The following TOPBP1 variants were observed in gnomAD, a reference collection of about 807,000 sequenced individuals.
The protein encoded by TOPBP1 is DNA topoisomerase 2-binding protein 1.
TOPBP1 carries 28 observed loss-of-function variants against 167.7 expected under a neutral mutation model. The observed-to-expected ratio is 0.17, with a 90% CI of 0.12 to 0.23. The LOEUF (loss-of-function observed/expected upper bound fraction) is 0.23. Ranked by LOEUF, TOPBP1 falls within the 10% of genes least tolerant of loss-of-function variation. The pLI is 1.00. For synonymous variants in TOPBP1, 598 were observed against 611.4 expected (o/e 0.98, Z 0.32); for missense variants, 1,554 against 1,809.6 (o/e 0.86, Z 2.56).
At chr3:133,626,423 A>G (rs1935268763) in intron 16 of TOPBP1, among the ~76,000 whole-genome samples, 1 of 152,196 alleles carries the variant, frequency 6.6e-6, no homozygotes, top group South Asian at 2.1e-4. Context: ...TCATACATAT[A>G]ATTATGTCAT....
At position 133,620,319 on chromosome 3, in the gene TOPBP1, C is replaced by T. The variant is rs1321702452; in HGVS notation, c.3207G>A (p.Glu1069=). ...TCTCCTGTAACTGCTTCTGAAAGTTCTCTCTCATCTCTAAGGTCTGTGTCA... is the reference window on the plus strand; with the variant it reads ...TCTCCTGTAACTGCTTCTGAAAGTTTTCTCTCATCTCTAAGGTCTGTGTCA... ...GVLTQTLEMR[E]NFQKQLQEIM... is the part of the protein sequence containing the mutation. Residue 1069 remains glutamate, a synonymous_variant, in exon 20 of 28, where the codon GAG becomes GAA. Coordinates refer to ENST00000260810, the MANE Select transcript of TOPBP1 (RefSeq NM_007027.4). 3.1e-5 allele frequency: 50 copies of T among 1,613,788 alleles called. No individual in the cohort carries two copies. The highest frequency in any genetic ancestry group is 4.2e-5 in the Non-Finnish European group (50 of 1,179,868).
intron 16 of TOPBP1, among the ~76,000 whole-genome samples, chr3:133,627,059 T>C (rs1404076869): frequency 6.6e-6 from 1 of 152,230 alleles, no homozygotes; most frequent in East Asian, 1.9e-4. Context: ...ACTCTATGCA[T>C]ATATAAATAT....
At chr3:133,619,116 A>AC (rs1934997507) in intron 20 of TOPBP1, among the ~76,000 whole-genome samples, 1 of 148,678 alleles carries the variant, frequency 6.7e-6, no homozygotes, top group Non-Finnish European at 1.5e-5. Flanking sequence ...AGAAGCAAAA[A>AC]AAAAAAAAAC....
intron 27 of TOPBP1, among the ~76,000 whole-genome samples, chr3:133,602,097 C>T (rs939412535): frequency 6.6e-6 from 1 of 152,118 alleles, no homozygotes; most frequent in Non-Finnish European, 1.5e-5. Context: ...ACAATAGAAC[C>T]TAGAGTTTCT....
intron 7 of TOPBP1, 90 bp from the exon 8 acceptor site, chr3:133,652,719 G>C (rs956109054): frequency 9.1e-7 from 1 of 1,093,394 alleles, no homozygotes; most frequent in Non-Finnish European, 1.3e-6. Context: ...ACAAATATAG[G>C]GCAATAAACA....
rs139109893 is a variant in TOPBP1 at position 133,621,218 on chromosome 3, G to T, written c.3179-871C>A. ...TGTAGAGACAAGGTCTCACTATGTT[G>T]CCCAGGCTGATCTGGAACCCCTAGC... On this transcript the variant is annotated intron_variant, in intron 19 of 27. Coordinates refer to ENST00000260810, the MANE Select transcript of TOPBP1 (RefSeq NM_007027.4). Among the ~76,000 whole-genome samples, 374 of 152,030 alleles carry T rather than the reference G, an allele frequency of 2.5e-3. 1 individual carries two copies. The highest frequency in any genetic ancestry group is 8.6e-3 in the African/African-American group (357 of 41,438).
In TOPBP1 at chr3:133,640,093, C is replaced by T. The variant is rs768252230; in HGVS notation, c.2099G>A (p.Arg700His). Residue 700 changes from arginine to histidine, a missense_variant, in exon 13 of 28, where the codon CGT becomes CAT. Physicochemically the swap from Arg to His is conservative, Grantham distance 29. Transcript: ENST00000260810. ...FASTHLILKERGGSKYEAAKK... is the reference protein window; with the variant it reads ...FASTHLILKEHGGSKYEAAKK... ...TGCAGCTTCATATTTAGAGCCACCA[C>T]GTTCTTTCAGTATAAGATGAGTACT... The T allele has an allele frequency of 2.6e-5, 42 of 1,613,808 alleles. No individual in the cohort carries two copies. The highest frequency in any genetic ancestry group is 3.4e-5 in the Non-Finnish European group (40 of 1,179,842).
At position 133,601,181 on chromosome 3, in the gene TOPBP1, A is replaced by G; in HGVS notation, c.*69T>C. The G allele has an allele frequency of 7.2e-7, 1 of 1,380,284 alleles. No individual in the cohort carries two copies. The highest frequency in any genetic ancestry group is 9.9e-7 in the Non-Finnish European group (1 of 1,010,764). 85.5% of individuals were successfully genotyped at this position (1,380,284 alleles called of 1,614,324 possible). A position where few individuals can be genotyped will look rare whatever the true frequency, so the allele number is the denominator to read the frequency against. On this transcript the variant is annotated 3_prime_UTR_variant, in exon 28 of 28. Transcript: ENST00000260810. Reference sequence around the variant, plus strand: ...CATCTTTAAATTACTACCCAAATCTATCACAGTCACATTCAGGCTTTCAAT... The same window carrying G: ...CATCTTTAAATTACTACCCAAATCTGTCACAGTCACATTCAGGCTTTCAAT...
intron 13 of TOPBP1, among the ~76,000 whole-genome samples, chr3:133,639,465 G>C (rs985670038): frequency 6.6e-6 from 1 of 152,092 alleles, no homozygotes; most frequent in African/African-American, 2.4e-5. Context: ...GGGGGATGGG[G>C]GAGGGATAGT....
intron 8 of TOPBP1, among the ~76,000 whole-genome samples, chr3:133,651,354 T>A (rs527803770): frequency 1.5e-4 from 22 of 151,032 alleles, no homozygotes; most frequent in African/African-American, 5.3e-4. Flanking sequence ...GCCCAGCTAA[T>A]TTTTTTTGTA....
chr3:133,621,187 A>AT (rs1464145114), intron 19 of TOPBP1, among the ~76,000 whole-genome samples: 4 of 151,858 alleles, frequency 2.6e-5, no homozygotes, highest in Non-Finnish European at 4.4e-5. Flanking sequence ...AATTTTTTAA[A>AT]TTTTTTGTAG....
At chr3:133,652,765 TC>T in intron 7 of TOPBP1, 136 bp from the exon 8 acceptor site, 1 of 654,448 alleles carries the variant, frequency 1.5e-6, no homozygotes, top group Non-Finnish European at 2.5e-6. Context: ...TTTACTGAAA[TC>T]TTAGTGGCAA....
chr3:133,652,023 C>T (rs78479698), intron 8 of TOPBP1, among the ~76,000 whole-genome samples: 3,806 of 151,816 alleles, frequency 0.025, 71 homozygotes, highest in African/African-American at 0.055. Context: ...GTAGTTCTAA[C>T]TGCTCGGGAG....
chr3:133,658,579 G>A (rs187147911), intron 3 of TOPBP1, among the ~76,000 whole-genome samples: 1 of 152,210 alleles, frequency 6.6e-6, no homozygotes, highest in East Asian at 1.9e-4. Context: ...TGAGGTGGGA[G>A]GATCACTTGA....
chr3:133,604,898 G>A (rs1439825239), intron 27 of TOPBP1, among the ~76,000 whole-genome samples: 2 of 151,388 alleles, frequency 1.3e-5, no homozygotes, highest in East Asian at 3.9e-4. Flanking sequence ...CAGGCTGGGC[G>A]ACAGAGCAAG....
At chr3:133,626,909 C>T (rs1463480355) in intron 16 of TOPBP1, among the ~76,000 whole-genome samples, 2 of 152,082 alleles carry the variant, frequency 1.3e-5, no homozygotes, top group South Asian at 2.1e-4. Flanking sequence ...GAAGATGCTG[C>T]ATCTGATTTG....
intron 27 of TOPBP1, among the ~76,000 whole-genome samples, chr3:133,606,954 A>C (rs900552837): frequency 6.6e-6 from 1 of 152,110 alleles, no homozygotes; most frequent in African/African-American, 2.4e-5. Flanking sequence ...CAAACAAACA[A>C]ACAAAGAGAC....
Position 133,612,421 on chromosome 3 carries a change from C to G in TOPBP1, c.4003G>C (p.Glu1335Gln). 1 of 1,613,948 alleles carries G rather than the reference C, an allele frequency of 6.2e-7. No individual in the cohort carries two copies. Among genetic ancestry groups the G allele is most frequent in the Non-Finnish European group, 8.5e-7 (1 of 1,179,864 alleles). Residue 1335 changes from glutamate (E) to glutamine (Q), a missense_variant, in exon 24 of 28, where the codon GAA becomes CAA. Glu to Gln is a conservative substitution (Grantham distance 29, BLOSUM62 2). Around this residue, in one of 3 missense-constraint regions of TOPBP1, gnomAD observed 351 missense variants for 432.9 expected, o/e 0.81. Transcript: ENST00000260810. ...AAGTGTCCAGCAGTCCTGCAGGCTT[C>G]AAGGTAGGAGCGATGAAGCACCCAC... is the stretch of plus-strand genomic sequence containing the variant. ...GKWVLHRSYL[E>Q]ACRTAGHFVQ...
At chr3:133,609,052 T>A in intron 25 of TOPBP1, 90 bp from the exon 26 acceptor site, 1 of 1,052,460 alleles carries the variant, frequency 9.5e-7, no homozygotes, top group South Asian at 1.6e-5. Flanking sequence ...GACTTAGTTT[T>A]GTCAATAAAT....
Sources: allele counts gnomAD v4.1 joint callset (sites outside exome capture counted in the v4.1 genomes callset), GRCh38; gene constraint gnomAD v4.1.1; regional missense constraint gnomAD v4.1.1; transcripts MANE v1.5; gene names NCBI Gene and HGNC (gene_info 2026-07-23, HGNC 2026-07-21).